IFRD1: variants seen among roughly 807,000 people sequenced by gnomAD.
IFRD1 encodes the protein interferon-related developmental regulator 1.
Under a neutral mutation model 52.9 loss-of-function variants are expected in IFRD1, and 35 were observed. That is an observed-to-expected ratio of 0.66 (90% CI 0.51 to 0.88). The LOEUF is 0.88. IFRD1 is among the 40% of genes least tolerant of loss of function. The pLI is 0.00. For missense variants in IFRD1, 517 were observed against 550.8 expected (o/e 0.94, Z 0.61); for synonymous variants, 184 against 188.4 (o/e 0.98, Z 0.19).
intron 9 of IFRD1, among the ~76,000 whole-genome samples, chr7:112,471,781 G>T (rs1435609090): frequency 2.6e-5 from 4 of 151,956 alleles, no homozygotes; most frequent in African/African-American, 9.7e-5. Context: ...TGCTTGGTCA[G>T]TTAACCCTAT....
At chr7:112,446,344 C>A (rs547617939), upstream of IFRD1, 16 of 198,016 alleles carry the variant, frequency 8.1e-5, no homozygotes, top group South Asian at 1.5e-3. Flanking sequence ...CACCTTCTTT[C>A]GCTTACGCTT....
At chr7:112,433,195 C>T (rs987760568) in intron 1 of IFRD1, among the ~76,000 whole-genome samples, 1 of 152,168 alleles carries the variant, frequency 6.6e-6, no homozygotes, top group East Asian at 1.9e-4. Flanking sequence ...GCCAGCTGTA[C>T]AGGAGACTGG....
chr7:112,474,906 C>T (rs113177688), intron 11 of IFRD1, among the ~76,000 whole-genome samples: 3 of 151,728 alleles, frequency 2.0e-5, no homozygotes, highest in African/African-American at 4.8e-5. Flanking sequence ...ACTTTCTTGG[C>T]GTTTTACAAT....
intron 5 of IFRD1, among the ~76,000 whole-genome samples, chr7:112,459,229 A>G (rs1247099236): frequency 6.6e-6 from 1 of 152,186 alleles, no homozygotes; most frequent in Non-Finnish European, 1.5e-5. Context: ...AACAACAACA[A>G]AAAAGATAAT....
At chr7:112,431,074 G>A (rs910117193) in intron 1 of IFRD1, among the ~76,000 whole-genome samples, 1 of 151,460 alleles carries the variant, frequency 6.6e-6, no homozygotes, top group African/African-American at 2.4e-5. Context: ...ATTATTTTTC[G>A]AGCGTATTGC....
At chr7:112,452,364 C>A in intron 1 of IFRD1, 2 of 545,800 alleles carry the variant, frequency 3.7e-6, no homozygotes, top group Non-Finnish European at 4.7e-6. Flanking sequence ...TCTATGTTGG[C>A]CAGGCTGGTC....
At chr7:112,450,945 C>G (rs139779771) in intron 1 of IFRD1, 163 bp downstream of exon 1, 5 of 661,946 alleles carry the variant, frequency 7.6e-6, no homozygotes, top group South Asian at 6.9e-5. Context: ...GTGCCCTGGG[C>G]GCTGCTCCTC....
At chr7:112,473,940 G>A (rs1440865305) in intron 11 of IFRD1, among the ~76,000 whole-genome samples, 1 of 152,162 alleles carries the variant, frequency 6.6e-6, no homozygotes, top group Admixed American at 6.5e-5. Flanking sequence ...CCGCTAATCT[G>A]CTGTCTCTGG....
chr7:112,475,659 A>G lies in IFRD1; in HGVS notation c.*140A>G. 1 of 639,222 alleles carries G rather than the reference A, an allele frequency of 1.6e-6. No individual in the cohort carries two copies. Among genetic ancestry groups the G allele is most frequent in the Non-Finnish European group, 2.8e-6 (1 of 362,372 alleles). The allele number at this position is 639,222 out of a possible 1,614,324, so 39.6% of individuals were successfully genotyped here. The stretch of plus-strand genomic sequence containing the variant: ...GGTTATATTGCTTATAATTTAATGT[A>G]CAATACTATTGAAACTGGTGAGTTC... On this transcript the variant is annotated 3_prime_UTR_variant, in exon 12 of 12. Transcript: ENST00000403825.
intron 9 of IFRD1, among the ~76,000 whole-genome samples, chr7:112,469,863 G>A (rs1795703321): frequency 6.6e-6 from 1 of 151,832 alleles, no homozygotes; most frequent in South Asian, 2.1e-4. Context: ...TTCATCTCAG[G>A]ATCTCCCTTG....
chr7:112,466,236 A>G (rs1049006142), intron 8 of IFRD1, among the ~76,000 whole-genome samples: 3 of 151,548 alleles, frequency 2.0e-5, no homozygotes, highest in Admixed American at 6.6e-5. Context: ...GTTACATTTT[A>G]TTTTCTTCCT....
intron 1 of IFRD1, among the ~76,000 whole-genome samples, chr7:112,424,103 C>A (rs948193689): frequency 2.0e-5 from 3 of 151,964 alleles, no homozygotes; most frequent in African/African-American, 7.3e-5. Context: ...TTTAAAGGGG[C>A]ACTTGGCATG....
At chr7:112,452,135 C>T (rs1795181279) in intron 1 of IFRD1, 1 of 976,260 alleles carries the variant, frequency 1.0e-6, no homozygotes, top group Non-Finnish European at 1.2e-6. Context: ...CCTCTGGTTG[C>T]TCTATGTGAA....
At position 112,476,672 on chromosome 7, in the gene IFRD1, G is replaced by A. The variant is rs1211626053; in HGVS notation, c.*1153G>A. 1 of 152,072 alleles carries A rather than the reference G, an allele frequency of 6.6e-6. No homozygotes were observed. The highest frequency in any genetic ancestry group is 2.4e-5 in the African/African-American group (1 of 41,388). The allele number at this position is 152,072 out of a possible 1,614,324, so 9.4% of individuals were successfully genotyped here. ...CAAAAGCAAAACAAAAAAGAATATTGCTGCTTGTTTGCCCATGAGGTATAT... is the reference window on the plus strand; with the variant it reads ...CAAAAGCAAAACAAAAAAGAATATTACTGCTTGTTTGCCCATGAGGTATAT... On this transcript the variant is annotated 3_prime_UTR_variant, in exon 12 of 12. Transcript: ENST00000403825.
intron 5 of IFRD1, 44 bp downstream of exon 5, chr7:112,459,062 C>A: frequency 6.6e-7 from 1 of 1,507,300 alleles, no homozygotes; most frequent in Non-Finnish European, 9.1e-7. Flanking sequence ...CTATTCATGA[C>A]ACCCAGACGT....
intron 8 of IFRD1, 77 bp from the exon 9 acceptor site, chr7:112,467,904 C>G: frequency 7.4e-7 from 1 of 1,345,682 alleles, no homozygotes; most frequent in Non-Finnish European, 1.1e-6. Context: ...CAAATGTAGA[C>G]TGTTCTTTGT....
At chr7:112,462,608 T>A in intron 8 of IFRD1, among the ~76,000 whole-genome samples, 1 of 152,154 alleles carries the variant, frequency 6.6e-6, no homozygotes, top group Admixed American at 6.6e-5. Context: ...ATTTTTGCTA[T>A]CTATAGAACT....
intron 5 of IFRD1, among the ~76,000 whole-genome samples, chr7:112,460,756 C>T (rs1358215767): frequency 9.3e-6 from 1 of 107,770 alleles, no homozygotes; most frequent in Non-Finnish European, 2.0e-5. Flanking sequence ...CACAGATATC[C>T]TCATAGTACT....
chr7:112,453,643 A>T (rs1335806022), intron 1 of IFRD1, among the ~76,000 whole-genome samples: 1 of 152,222 alleles, frequency 6.6e-6, no homozygotes, highest in Non-Finnish European at 1.5e-5. Context: ...TACTTCAGTC[A>T]TAAAAACGAG....
Sources: allele counts gnomAD v4.1 joint callset (sites outside exome capture counted in the v4.1 genomes callset), GRCh38; gene constraint gnomAD v4.1.1; transcripts MANE v1.5; gene names NCBI Gene and HGNC (gene_info 2026-07-23, HGNC 2026-07-21).